Variants in FAM219A observed in about 807,000 individuals in gnomAD.
FAM219A encodes family with sequence similarity 219 member A.
FAM219A carries 7 observed loss-of-function variants against 23.4 expected under a neutral mutation model. The ratio of observed to expected loss-of-function variants is 0.30; its 90% confidence interval spans 0.17 to 0.56. The LOEUF (loss-of-function observed/expected upper bound fraction) is 0.56, where lower values mean the gene tolerates loss of function less well. Ranked by LOEUF, FAM219A falls within the 20% of genes least tolerant of loss-of-function variation. FAM219A has a pLI of 0.92. For synonymous variants in FAM219A, 93 were observed against 99.0 expected (o/e 0.94, Z 0.36); for missense variants, 166 against 246.9 (o/e 0.67, Z 2.20).
chr9:34,411,712 A>G (rs1159094247), intron 1 of FAM219A, among the ~76,000 whole-genome samples: 1 of 151,716 alleles, frequency 6.6e-6, no homozygotes, highest in African/African-American at 2.4e-5. Flanking sequence ...GAAAGAAAAG[A>G]AAACAGTCCC....
At chr9:34,408,868 T>C (rs947955662) in intron 1 of FAM219A, among the ~76,000 whole-genome samples, 18 of 152,218 alleles carry the variant, frequency 1.2e-4, no homozygotes, top group African/African-American at 4.3e-4. Context: ...CCGTTAGACA[T>C]TTGGAGCTAA....
chr9:34,406,806 T>C (rs1050076484), intron 1 of FAM219A, among the ~76,000 whole-genome samples: 1 of 147,580 alleles, frequency 6.8e-6, no homozygotes, highest in Non-Finnish European at 1.5e-5. Flanking sequence ...CCAGAGTCTT[T>C]TTTTTTTTTT....
rs117903650 is a variant in FAM219A at position 34,451,574 on chromosome 9, G to A, written c.60+6630C>T. ...AGGCTCCACCTGCCTTTTTAAGGAG[G>A]TGAGAGGGTCCCTGAGACTAATCAG... On this transcript the variant is annotated intron_variant, in intron 1 of 5. Coordinates refer to ENST00000651358, the MANE Select transcript of FAM219A (RefSeq NM_001184940.2). Among the ~76,000 whole-genome samples, 143 of 152,280 alleles carry A rather than the reference G, an allele frequency of 9.4e-4. 2 individuals are homozygous for A. The East Asian group carries it at 0.023, about 24-fold the overall frequency.
intron 4 of FAM219A, chr9:34,402,166 C>T (rs976721579): frequency 2.7e-6 from 4 of 1,473,676 alleles, no homozygotes; most frequent in African/African-American, 1.4e-5. Context: ...CCCAGGATGA[C>T]AGCAGACAAC....
chr9:34,402,878 C>G, intron 2 of FAM219A, 71 bp from the exon 3 acceptor site: 2 of 1,416,502 alleles, frequency 1.4e-6, no homozygotes. Context: ...TCAGGGCAGC[C>G]TGGGCTGGGC....
intron 1 of FAM219A, among the ~76,000 whole-genome samples, chr9:34,410,169 G>A (rs945809417): frequency 1.3e-5 from 2 of 152,192 alleles, no homozygotes; most frequent in African/African-American, 4.8e-5. Flanking sequence ...CTCCATTCCT[G>A]CAGGCCCAAG....
At chr9:34,414,517 TTAAAA>T (rs113158057) in intron 1 of FAM219A, among the ~76,000 whole-genome samples, 83 of 152,232 alleles carry the variant, frequency 5.5e-4, no homozygotes, top group African/African-American at 1.5e-3. Context: ...ATCCCAGAAC[TTAAAA>T]TAAAATAAAA....
chr9:34,446,270 G>C (rs763470166), intron 1 of FAM219A, among the ~76,000 whole-genome samples: 1 of 151,916 alleles, frequency 6.6e-6, no homozygotes, highest in Non-Finnish European at 1.5e-5. Context: ...AGGGCCACAG[G>C]ACAGGTAAAT....
Position 34,425,593 on chromosome 9 carries a change from G to C in FAM219A, c.61-19629C>G, listed in dbSNP as rs190802697. On this transcript the variant is annotated intron_variant, in intron 1 of 5. Coordinates refer to ENST00000651358, the MANE Select transcript of FAM219A (RefSeq NM_001184940.2). ...AACCTGCATGCCTCCACTGTGCTTG[G>C]AGAAGTTGAAAAATGTGCAGTTAGT... Among the ~76,000 whole-genome samples the C allele has an allele frequency of 2.9e-3, 439 of 152,346 alleles. 8 individuals are homozygous for C. Among genetic ancestry groups the C allele is most frequent in the Non-Finnish European group, 2.5e-3 (170 of 68,036 alleles).
At chr9:34,445,608 T>C (rs1457246109) in intron 1 of FAM219A, among the ~76,000 whole-genome samples, 2 of 152,126 alleles carry the variant, frequency 1.3e-5, no homozygotes, top group Non-Finnish European at 2.9e-5. Context: ...TGGTAGCAAG[T>C]ATGGCCAGCT....
chr9:34,415,386 A>C (rs1007268928), intron 1 of FAM219A, among the ~76,000 whole-genome samples: 1 of 152,236 alleles, frequency 6.6e-6, no homozygotes, highest in Non-Finnish European at 1.5e-5. Context: ...AAGCCTTAGT[A>C]TCTTTAATGG....
chr9:34,404,069 T>C (rs1406809886), intron 2 of FAM219A, among the ~76,000 whole-genome samples: 1 of 152,136 alleles, frequency 6.6e-6, no homozygotes, highest in African/African-American at 2.4e-5. Context: ...GATGGTAATG[T>C]AATGGGGAGA....
At chr9:34,433,567 T>C (rs1822790263) in intron 1 of FAM219A, among the ~76,000 whole-genome samples, 1 of 152,222 alleles carries the variant, frequency 6.6e-6, no homozygotes, top group South Asian at 2.1e-4. Flanking sequence ...CAAGACCTTC[T>C]GATAGCTCCT....
chr9:34,405,801 G>T, intron 2 of FAM219A, 64 bp downstream of exon 2: 1 of 1,504,556 alleles, frequency 6.6e-7, no homozygotes, highest in Non-Finnish European at 9.1e-7. Flanking sequence ...GCACCTCATT[G>T]TAGACCCAGC....
rs1823840068 is a variant in FAM219A, at chr9:34,458,294, G to C, written c.-31C>G. On this transcript the variant is annotated 5_prime_UTR_variant, in exon 1 of 6. Coordinates refer to ENST00000651358, the MANE Select transcript of FAM219A (RefSeq NM_001184940.2). The surrounding 1 kb of genome is among the most constrained non-coding windows in gnomAD (Gnocchi z 6.6). ...CGGCGGGCGAGCGGGCCAGGGGCCG[G>C]GCGCGGCCGCGGACGCCGACAGGAC... 2 of 1,373,370 alleles carry C rather than the reference G, an allele frequency of 1.5e-6. No homozygotes were observed. The highest frequency in any genetic ancestry group is 3.0e-5 in the African/African-American group (2 of 66,242). 85.1% of individuals were successfully genotyped at this position (1,373,370 alleles called of 1,614,324 possible). A position where few individuals can be genotyped will look rare whatever the true frequency, so the allele number is the denominator to read the frequency against.
chr9:34,435,755 A>G (rs1478462410), intron 1 of FAM219A, among the ~76,000 whole-genome samples: 1 of 151,982 alleles, frequency 6.6e-6, no homozygotes, highest in African/African-American at 2.4e-5. Context: ...TATGTATGCT[A>G]TGGGATGGAG....
chr9:34,436,276 C>T (rs1822915456), intron 1 of FAM219A, among the ~76,000 whole-genome samples: 1 of 151,716 alleles, frequency 6.6e-6, no homozygotes, highest in Non-Finnish European at 1.5e-5. Context: ...GACAAGGTCT[C>T]ACTCTGTCAC....
intron 1 of FAM219A, among the ~76,000 whole-genome samples, chr9:34,453,912 T>C (rs1363650034): frequency 6.6e-6 from 1 of 152,166 alleles, no homozygotes; most frequent in South Asian, 2.1e-4. Context: ...ATACAAACAA[T>C]ATACCGAACT....
chr9:34,452,392 G>C (rs1823590380), intron 1 of FAM219A, among the ~76,000 whole-genome samples: 1 of 152,178 alleles, frequency 6.6e-6, no homozygotes, highest in South Asian at 2.1e-4. Context: ...TTCCCGAGGT[G>C]ATGATGGTCT....
Sources: allele counts gnomAD v4.1 joint callset (sites outside exome capture counted in the v4.1 genomes callset), GRCh38; gene constraint gnomAD v4.1.1; non-coding constraint Gnocchi (gnomAD v3.1); transcripts MANE v1.5; gene names NCBI Gene and HGNC (gene_info 2026-07-23, HGNC 2026-07-21).